MED12L: variants seen among roughly 807,000 people sequenced by gnomAD.
MED12L encodes the protein mediator of RNA polymerase II transcription subunit 12-like protein.
A neutral mutation model predicts 281.3 loss-of-function variants in MED12L; 60 were observed. The observed-to-expected ratio is 0.21, with a 90% CI of 0.17 to 0.26. The LOEUF is 0.26. Ranked by LOEUF, MED12L falls within the 10% of genes least tolerant of loss-of-function variation. The pLI, the probability that MED12L is intolerant of heterozygous loss-of-function variation, is 1.00. For missense variants in MED12L, 2,146 were observed against 2,680.9 expected, an observed-to-expected ratio of 0.80 and a Z score of 4.41; for synonymous variants, 974 against 987.2, an observed-to-expected ratio of 0.99 and a Z score of 0.25.
In MED12L at chr3:151,363,319, A is replaced by G. The variant is rs1754859038; in HGVS notation, c.2958-1660A>G. On this transcript the variant is annotated intron_variant, in intron 21 of 44. Coordinates refer to ENST00000687756, the MANE Select transcript of MED12L (RefSeq NM_001393769.1). Reference sequence around the variant, plus strand: ...AAACAAAAGCTGGATACACAGAGAGATTTCTATCAGTATGCTGATAAAACA... The same window carrying G: ...AAACAAAAGCTGGATACACAGAGAGGTTTCTATCAGTATGCTGATAAAACA... Among the ~76,000 whole-genome samples the G allele has an allele frequency of 2.6e-5, 4 of 152,320 alleles. No individual in the cohort carries two copies. The South Asian group carries it at 8.3e-4, about 32-fold the overall frequency.
chr3:151,141,187 G>GTTT (rs76965310), intron 5 of MED12L, among the ~76,000 whole-genome samples: 1 of 99,108 alleles, frequency 1.0e-5, no homozygotes, highest in African/African-American at 4.8e-5. Flanking sequence ...TGTTTTTTTT[G>GTTT]TTTTTTTTTT....
intron 16 of MED12L, among the ~76,000 whole-genome samples, chr3:151,276,627 G>A (rs1348941576): frequency 6.6e-6 from 1 of 152,182 alleles, no homozygotes; most frequent in East Asian, 1.9e-4. Context: ...CTTAGGCTTA[G>A]GGAAGCCTCA....
intron 13 of MED12L, among the ~76,000 whole-genome samples, chr3:151,190,159 A>T (rs1004669965): frequency 1.3e-5 from 2 of 151,442 alleles, no homozygotes; most frequent in African/African-American, 4.8e-5. Flanking sequence ...TTGAATGGGT[A>T]TTCAGGACTA....
chr3:151,298,819 A>G (rs922239265), intron 16 of MED12L, among the ~76,000 whole-genome samples: 1 of 152,258 alleles, frequency 6.6e-6, no homozygotes, highest in African/African-American at 2.4e-5. Context: ...TTTAAATTAA[A>G]CATAATTTAA....
In MED12L at chr3:151,435,080, T is replaced by TTTC. The variant is rs1199020935; in HGVS notation, c.*2279_*2281dup. 1 of 149,612 alleles carries TTTC rather than the reference T, an allele frequency of 6.7e-6. No homozygotes were observed. Among genetic ancestry groups the TTTC allele is most frequent in the Admixed American group, 6.7e-5 (1 of 15,024 alleles). 9.3% of individuals were successfully genotyped at this position (149,612 alleles called of 1,614,324 possible). On this transcript the variant is annotated 3_prime_UTR_variant, in exon 45 of 45. Transcript: ENST00000687756. Reference sequence around the variant, plus strand: ...GAGGTTTCTTTTTTTTTTTTTTTTTTTTCTTTTCTTGCAAATGCATTCTTT... The same window carrying TTTC: ...GAGGTTTCTTTTTTTTTTTTTTTTTTTTCTTCTTTTCTTGCAAATGCATTCTTT...
At chr3:151,423,229 T>G (rs1487191330) in intron 43 of MED12L, among the ~76,000 whole-genome samples, 1 of 151,794 alleles carries the variant, frequency 6.6e-6, no homozygotes, top group East Asian at 1.9e-4. Context: ...ATGTGCAGAA[T>G]GGATTCATTG....
chr3:151,360,088 A>G (rs1754424471), intron 20 of MED12L, among the ~76,000 whole-genome samples: 1 of 152,172 alleles, frequency 6.6e-6, no homozygotes, highest in South Asian at 2.1e-4. Flanking sequence ...TTTACAAAGG[A>G]GAAAACTTGG....
rs1055009153 is a variant in MED12L, at chr3:151,328,789, G to A, written c.2251-21270G>A. ...AAGGAAGCATGAGTGTCATTATCAA[G>A]TCGGCCACCAAAGTGTTTTTGAGGT... On this transcript the variant is annotated intron_variant, in intron 16 of 44. Coordinates refer to ENST00000687756, the MANE Select transcript of MED12L (RefSeq NM_001393769.1). The A allele has an allele frequency of 2.5e-6, 4 of 1,613,978 alleles. No homozygotes were observed. The Admixed American group carries it at 5.0e-5, about 20-fold the overall frequency.
intron 16 of MED12L, among the ~76,000 whole-genome samples, chr3:151,287,381 G>A (rs955351226): frequency 3.9e-5 from 6 of 152,218 alleles, no homozygotes; most frequent in African/African-American, 1.4e-4. Context: ...AGGCAGGGCA[G>A]AGACCTGCCT....
At chr3:151,248,634 C>T (rs189297719) in intron 16 of MED12L, among the ~76,000 whole-genome samples, 4 of 152,044 alleles carry the variant, frequency 2.6e-5, no homozygotes, top group Admixed American at 2.0e-4. Context: ...ATGTACAAGC[C>T]CCATGAAAGG....
Position 151,236,748 on chromosome 3 carries a change from CAT to C in MED12L, c.2250+43084_2250+43085del, listed in dbSNP as rs1324111264. Reference sequence around the variant, plus strand: ...ATGATTTTTCTATATATTTTACTGACATAAATATATAAAATTTGATTTCATAT... The same window carrying C: ...ATGATTTTTCTATATATTTTACTGACAAATATATAAAATTTGATTTCATAT... On this transcript the variant is annotated intron_variant, in intron 16 of 44. Coordinates refer to ENST00000687756, the MANE Select transcript of MED12L (RefSeq NM_001393769.1). Among the ~76,000 whole-genome samples the C allele has an allele frequency of 3.9e-5, 6 of 152,152 alleles. No homozygotes were observed. The East Asian group carries it at 1.2e-3, about 29-fold the overall frequency.
At chr3:151,233,771 G>C (rs1039371141) in intron 16 of MED12L, among the ~76,000 whole-genome samples, 1 of 152,172 alleles carries the variant, frequency 6.6e-6, no homozygotes, top group African/African-American at 2.4e-5. Context: ...CGACTTGAGA[G>C]CGAGAGTCCC....
intron 16 of MED12L, among the ~76,000 whole-genome samples, chr3:151,267,961 A>T (rs1577182490): frequency 6.6e-6 from 1 of 152,182 alleles, no homozygotes; most frequent in East Asian, 1.9e-4. Flanking sequence ...ATCCTAATTT[A>T]TGAATTTCTC....
chr3:151,149,488 G>T (rs1270637871), intron 5 of MED12L, among the ~76,000 whole-genome samples: 1 of 152,094 alleles, frequency 6.6e-6, no homozygotes, highest in Non-Finnish European at 1.5e-5. Context: ...AGTCATCTGA[G>T]CCTTCACTGA....
At chr3:151,125,503 C>G (rs866419074) in intron 4 of MED12L, among the ~76,000 whole-genome samples, 18 of 152,196 alleles carry the variant, frequency 1.2e-4, no homozygotes, top group African/African-American at 4.1e-4. Context: ...ATCCTTTAGG[C>G]ATCTGTGAAA....
In MED12L at chr3:151,123,045, A is replaced by G. The variant is rs183462425; in HGVS notation, c.396+71A>G. 1.6e-4 allele frequency: 207 copies of G among 1,300,514 alleles called. No homozygotes were observed. In the African/African-American group the frequency reaches 2.6e-3, roughly 17 times the overall value. The allele number at this position is 1,300,514 out of a possible 1,614,324, so 80.6% of individuals were successfully genotyped here. ...GCTGTTTGGGATAATATTCAAGTATATATTTGTTTTTCCCAATTCTTTTTG... is the reference window on the plus strand; with the variant it reads ...GCTGTTTGGGATAATATTCAAGTATGTATTTGTTTTTCCCAATTCTTTTTG... On this transcript the variant is annotated intron_variant, in intron 4 of 44. Coordinates refer to ENST00000687756, the MANE Select transcript of MED12L (RefSeq NM_001393769.1).
intron 18 of MED12L, 54 bp downstream of exon 18, chr3:151,355,293 A>C (rs1339388874): frequency 1.6e-6 from 2 of 1,279,666 alleles, no homozygotes; most frequent in Non-Finnish European, 2.2e-6. Flanking sequence ...TTTACTTAAA[A>C]ATTTTTTTCA....
intron 2 of MED12L, among the ~76,000 whole-genome samples, chr3:151,111,484 G>T (rs568198716): frequency 4.6e-5 from 7 of 152,202 alleles, no homozygotes; most frequent in Non-Finnish European, 1.0e-4. Flanking sequence ...CTCTTAAATG[G>T]AGTAGGGGGT....
In MED12L at chr3:151,401,280, TG is replaced by T. The variant is rs1407546843; in HGVS notation, c.5820+6414del. 7.4e-5 allele frequency among the ~76,000 whole-genome samples: 10 copies of T among 135,406 alleles called. No homozygotes were observed. In the South Asian group the frequency reaches 1.6e-3, roughly 22 times the overall value. 88.8% of individuals were successfully genotyped at this position (135,406 alleles called of 152,430 possible). A position where few individuals can be genotyped will look rare whatever the true frequency, so the allele number is the denominator to read the frequency against. On this transcript the variant is annotated intron_variant, in intron 39 of 44. Coordinates refer to ENST00000687756, the MANE Select transcript of MED12L (RefSeq NM_001393769.1). ...ATTTAATTTATTCAGTTTTTTTGTT[TG>T]TTTTTTTTTTTAACTGTTAACTGTT...
Sources: allele counts gnomAD v4.1 joint callset (sites outside exome capture counted in the v4.1 genomes callset), GRCh38; gene constraint gnomAD v4.1.1; transcripts MANE v1.5; gene names NCBI Gene and HGNC (gene_info 2026-07-23, HGNC 2026-07-21).